WWOX: variants seen among roughly 807,000 people sequenced by gnomAD.
WWOX encodes WW domain containing oxidoreductase.
Under a neutral mutation model 46.2 loss-of-function variants are expected in WWOX, and 69 were observed. The observed-to-expected ratio is 1.49, with a 90% CI of 1.23 to 1.82. WWOX has a LOEUF of 1.82. WWOX is among the 40% of genes most tolerant of loss of function. WWOX has a pLI of 0.00. For missense variants in WWOX, 919 were observed against 542.6 expected (o/e 1.69, Z -6.89); for synonymous variants, 359 against 202.6 (o/e 1.77, Z -6.56).
intron 8 of WWOX, among the ~76,000 whole-genome samples, chr16:78,718,021 T>C (rs538341521): frequency 1.3e-5 from 2 of 152,056 alleles, no homozygotes; most frequent in South Asian, 2.1e-4. Flanking sequence ...GAAAGCACAA[T>C]GGTATTAGCC....
At chr16:79,108,491 G>A (rs1242876660) in intron 8 of WWOX, among the ~76,000 whole-genome samples, 3 of 152,258 alleles carry the variant, frequency 2.0e-5, no homozygotes, top group African/African-American at 7.2e-5. Flanking sequence ...CAGATGAAGG[G>A]ATTGTCCAGG....
chr16:79,176,105 A>G (rs570221136), intron 8 of WWOX, among the ~76,000 whole-genome samples: 1 of 152,208 alleles, frequency 6.6e-6, no homozygotes, highest in Non-Finnish European at 1.5e-5. Flanking sequence ...GATTGTTTGC[A>G]CACCTGTGTT....
At chr16:78,132,035 T>C (rs2033617806) in intron 4 of WWOX, among the ~76,000 whole-genome samples, 1 of 149,682 alleles carries the variant, frequency 6.7e-6, no homozygotes, top group African/African-American at 2.5e-5. Flanking sequence ...TTCTTTTTTT[T>C]TTTTTTTGAG....
intron 5 of WWOX, among the ~76,000 whole-genome samples, chr16:78,200,724 A>T (rs2036203361): frequency 6.6e-6 from 1 of 151,732 alleles, no homozygotes; most frequent in Non-Finnish European, 1.5e-5. Context: ...CTGTCTGTTT[A>T]TAGAAAGTGT....
chr16:79,126,846 A>C (rs2049767981), intron 8 of WWOX, among the ~76,000 whole-genome samples: 1 of 152,100 alleles, frequency 6.6e-6, no homozygotes, highest in Non-Finnish European at 1.5e-5. Context: ...GGAATTTTGG[A>C]ACAGGAAATT....
chr16:78,379,073 T>G (rs1010050524), intron 5 of WWOX, among the ~76,000 whole-genome samples: 1 of 152,166 alleles, frequency 6.6e-6, no homozygotes, highest in Non-Finnish European at 1.5e-5. Context: ...AGCCTCTGTT[T>G]TCTCATCTGT....
chr16:78,436,317 C>T (rs1167788904), intron 8 of WWOX, among the ~76,000 whole-genome samples: 1 of 152,098 alleles, frequency 6.6e-6, no homozygotes, highest in Non-Finnish European at 1.5e-5. Flanking sequence ...GAAAGGGCGT[C>T]CAGGTGAAGG....
chr16:78,972,117 G>T (rs76954302), intron 8 of WWOX, among the ~76,000 whole-genome samples: 1 of 152,114 alleles, frequency 6.6e-6, no homozygotes, highest in Non-Finnish European at 1.5e-5. Flanking sequence ...GCAGGCTGTC[G>T]TCCTGCATTG....
chr16:78,203,397 T>G (rs527607681), intron 5 of WWOX, among the ~76,000 whole-genome samples: 1 of 152,300 alleles, frequency 6.6e-6, no homozygotes, highest in South Asian at 2.1e-4. Context: ...GAAATATGTT[T>G]CAATGGAGAA....
intron 8 of WWOX, among the ~76,000 whole-genome samples, chr16:78,917,546 A>T (rs193164578): frequency 6.6e-6 from 1 of 152,024 alleles, no homozygotes; most frequent in African/African-American, 2.4e-5. Context: ...GTTGGAAATT[A>T]TTCCTAACCC....
intron 8 of WWOX, among the ~76,000 whole-genome samples, chr16:78,817,593 G>A (rs1336814477): frequency 6.6e-6 from 1 of 152,172 alleles, no homozygotes; most frequent in African/African-American, 2.4e-5. Flanking sequence ...CTCGCTTGGA[G>A]CCAGCACTAA....
chr16:78,735,246 T>C (rs1437467098), intron 8 of WWOX, among the ~76,000 whole-genome samples: 1 of 152,108 alleles, frequency 6.6e-6, no homozygotes, highest in Non-Finnish European at 1.5e-5. Context: ...GGAGTTGGAC[T>C]GAAACTACAC....
intron 8 of WWOX, among the ~76,000 whole-genome samples, chr16:78,728,889 A>C (rs979435190): frequency 6.6e-6 from 1 of 152,172 alleles, no homozygotes; most frequent in South Asian, 2.1e-4. Flanking sequence ...AAGAATAACA[A>C]ACTATGCATA....
chr16:78,789,150 G>C (rs570976545), intron 8 of WWOX, among the ~76,000 whole-genome samples: 8 of 151,994 alleles, frequency 5.3e-5, no homozygotes, highest in Non-Finnish European at 1.2e-4. Flanking sequence ...CCCTCCTCTC[G>C]CATTTGGTGA....
At chr16:78,871,489 A>C (rs939196731) in intron 8 of WWOX, among the ~76,000 whole-genome samples, 5 of 152,224 alleles carry the variant, frequency 3.3e-5, no homozygotes, top group Admixed American at 1.3e-4. Context: ...GTCAGAAATG[A>C]GTCCTGTGAG....
At chr16:78,990,037 A>C (rs981170317) in intron 8 of WWOX, among the ~76,000 whole-genome samples, 1 of 151,848 alleles carries the variant, frequency 6.6e-6, no homozygotes, top group African/African-American at 2.4e-5. Context: ...TACAAAAATT[A>C]GCTGGGCTTG....
At chr16:78,939,066 G>A (rs146831628) in intron 8 of WWOX, among the ~76,000 whole-genome samples, 12 of 152,230 alleles carry the variant, frequency 7.9e-5, no homozygotes, top group African/African-American at 2.4e-4. Context: ...TCTAAATGGA[G>A]TGGGTAGCCA....
At chr16:78,678,882 G>T (rs1168564866) in intron 8 of WWOX, among the ~76,000 whole-genome samples, 1 of 152,166 alleles carries the variant, frequency 6.6e-6, no homozygotes, top group Non-Finnish European at 1.5e-5. Context: ...GACGACTGAG[G>T]CTCACAGAGG....
At chr16:78,106,421 G>GTTTTTTTT (rs34551316) in intron 1 of WWOX, among the ~76,000 whole-genome samples, 7 of 122,972 alleles carry the variant, frequency 5.7e-5, no homozygotes, top group Non-Finnish European at 8.3e-5. Flanking sequence ...GTTTTTTTTT[G>GTTTTTTTT]TTTTTTTTTT....
Sources: allele counts gnomAD v4.1 joint callset (sites outside exome capture counted in the v4.1 genomes callset), GRCh38; gene constraint gnomAD v4.1.1; transcripts MANE v1.5; gene names NCBI Gene and HGNC (gene_info 2026-07-23, HGNC 2026-07-21).